Variants in POLD3 observed in about 807,000 individuals in gnomAD.
POLD3 encodes the protein DNA polymerase delta 3, accessory subunit.
A neutral mutation model predicts 58.2 loss-of-function variants in POLD3; 19 were observed. The observed-to-expected ratio is 0.33, with a 90% CI of 0.23 to 0.48. POLD3 has a LOEUF of 0.48. POLD3 is among the 20% of genes least tolerant of loss of function. The pLI is 0.99. For synonymous variants in POLD3, 172 were observed against 193.5 expected, an observed-to-expected ratio of 0.89 and a Z score of 0.92; for missense variants, 504 against 545.5, an observed-to-expected ratio of 0.92 and a Z score of 0.76.
intron 4 of POLD3, among the ~76,000 whole-genome samples, chr11:74,656,598 T>A (rs12271394): frequency 6.6e-6 from 1 of 151,758 alleles, no homozygotes; most frequent in Non-Finnish European, 1.5e-5. Context: ...AAAAAAAAAA[T>A]TCTTCATTTC....
chr11:74,609,732 TG>T (rs1038454296), intron 3 of POLD3, among the ~76,000 whole-genome samples: 3 of 151,054 alleles, frequency 2.0e-5, no homozygotes, highest in Non-Finnish European at 4.4e-5. Flanking sequence ...TGCCTCTCTT[TG>T]TTAGATAAAT....
intron 4 of POLD3, 95 bp from the exon 5 acceptor site, chr11:74,612,783 T>G: frequency 9.2e-7 from 1 of 1,083,696 alleles, no homozygotes; most frequent in South Asian, 1.6e-5. Context: ...CCACCACAGA[T>G]TACAAATGCT....
At chr11:74,628,387 A>G (rs962130498) in intron 8 of POLD3, among the ~76,000 whole-genome samples, 5 of 152,054 alleles carry the variant, frequency 3.3e-5, no homozygotes, top group African/African-American at 1.2e-4. Context: ...TTTGGGTTTA[A>G]TTGTTCTTTT....
At chr11:74,616,179 A>G (rs924396470) in intron 5 of POLD3, among the ~76,000 whole-genome samples, 1 of 152,206 alleles carries the variant, frequency 6.6e-6, no homozygotes, top group East Asian at 1.9e-4. Flanking sequence ...GCCAGGGCCC[A>G]CTAAAATAAA....
chr11:74,611,204 C>A (rs191967576), intron 3 of POLD3, among the ~76,000 whole-genome samples: 1 of 152,226 alleles, frequency 6.6e-6, no homozygotes, highest in East Asian at 1.9e-4. Context: ...CACTAAAAAG[C>A]CTTTGCTCAC....
chr11:74,593,030 C>G (rs2031092643), intron 1 of POLD3: 2 of 1,186,496 alleles, frequency 1.7e-6, no homozygotes, highest in Admixed American at 7.7e-5. Context: ...CTACACCTTT[C>G]TTTTAAGGTG....
intron 3 of POLD3, among the ~76,000 whole-genome samples, chr11:74,609,806 A>G (rs2031846219): frequency 6.6e-6 from 1 of 152,080 alleles, no homozygotes; most frequent in Non-Finnish European, 1.5e-5. Flanking sequence ...TCAGAGCATC[A>G]CTCCACAGCA....
intron 4 of POLD3, among the ~76,000 whole-genome samples, chr11:74,659,185 C>T (rs1157374333): frequency 1.3e-5 from 2 of 152,230 alleles, no homozygotes; most frequent in Admixed American, 6.5e-5. Context: ...AGGCTTGGGG[C>T]GTCCACCCTC....
At position 74,642,275 on chromosome 11, in the gene POLD3, T is replaced by C. The variant is rs1214324190; in HGVS notation, c.*1509T>C. 37 of 985,064 alleles carry C rather than the reference T, an allele frequency of 3.8e-5. No homozygotes were observed. Among genetic ancestry groups the C allele is most frequent in the Non-Finnish European group, 4.3e-5 (36 of 829,724 alleles). 61.0% of individuals were successfully genotyped at this position (985,064 alleles called of 1,614,324 possible). A position where few individuals can be genotyped will look rare whatever the true frequency, so the allele number is the denominator to read the frequency against. On this transcript the variant is annotated 3_prime_UTR_variant, in exon 12 of 12. Coordinates refer to ENST00000263681, the MANE Select transcript of POLD3 (RefSeq NM_006591.3). Reference sequence around the variant, plus strand: ...GTCTAGGACTAAAGCAGTGGCTTTGTATAGCAAGCTGAGTAAAGGTTGACA... The same window carrying C: ...GTCTAGGACTAAAGCAGTGGCTTTGCATAGCAAGCTGAGTAAAGGTTGACA...
chr11:74,595,759 A>G (rs1312831713), intron 2 of POLD3, among the ~76,000 whole-genome samples: 1 of 152,168 alleles, frequency 6.6e-6, no homozygotes, highest in African/African-American at 2.4e-5. Context: ...CCGGGACTAC[A>G]GGTGCGTGCC....
intron 2 of POLD3, among the ~76,000 whole-genome samples, chr11:74,602,755 T>C (rs1311327544): frequency 1.3e-5 from 2 of 152,234 alleles, no homozygotes; most frequent in Non-Finnish European, 2.9e-5. Context: ...CACAAAGCCC[T>C]ATGTGCCTGG....
At chr11:74,666,124 A>C (rs771651572) in intron 4 of POLD3, among the ~76,000 whole-genome samples, 12 of 152,254 alleles carry the variant, frequency 7.9e-5, no homozygotes, top group Non-Finnish European at 1.8e-4. Flanking sequence ...TCTGAAAATG[A>C]AATTAGAAAA....
At chr11:74,627,003 G>A (rs868205176) in intron 8 of POLD3, among the ~76,000 whole-genome samples, 17 of 152,066 alleles carry the variant, frequency 1.1e-4, no homozygotes, top group South Asian at 6.2e-4. Flanking sequence ...AAATGACTAT[G>A]CTACTATAAT....
downstream of POLD3, among the ~76,000 whole-genome samples, chr11:74,645,627 G>T (rs548398215): frequency 6.6e-6 from 1 of 152,154 alleles, no homozygotes; most frequent in Non-Finnish European, 1.5e-5. Flanking sequence ...ACCTTAAAGC[G>T]TTGCTTTAGG....
In POLD3 at chr11:74,604,651, C is replaced by G. The variant is rs201770818; in HGVS notation, c.117-41C>G. On this transcript the variant is annotated intron_variant, in intron 2 of 11. Transcript: ENST00000263681. The stretch of plus-strand genomic sequence containing the variant: ...ATTAAGAGTTGATCATGTAAAAACT[C>G]TTACTGATGTCTTACTTGTGCCTTC... 2.3e-5 allele frequency: 24 copies of G among 1,033,536 alleles called. No homozygotes were observed. In the African/African-American group the frequency reaches 2.5e-4, roughly 11 times the overall value. 64.0% of individuals were successfully genotyped at this position (1,033,536 alleles called of 1,614,324 possible).
chr11:74,637,792 G>A (rs575287291), intron 11 of POLD3, among the ~76,000 whole-genome samples: 1 of 144,436 alleles, frequency 6.9e-6, no homozygotes, highest in Non-Finnish European at 1.5e-5. Context: ...AGTGAAAACT[G>A]TGCTCACATT....
chr11:74,624,945 A>G (rs1285085512), intron 7 of POLD3, among the ~76,000 whole-genome samples: 10 of 152,282 alleles, frequency 6.6e-5, no homozygotes, highest in Non-Finnish European at 1.5e-4. Context: ...TGACTCCAAA[A>G]TAGTCTTTAA....
intron 2 of POLD3, chr11:74,595,530 T>C (rs906625769): frequency 4.6e-5 from 7 of 152,220 alleles, no homozygotes; most frequent in African/African-American, 1.4e-4. Context: ...AAGACCCTGA[T>C]TGAAAAATTA....
chr11:74,614,535 C>T (rs1436696707), intron 5 of POLD3, among the ~76,000 whole-genome samples: 1 of 152,100 alleles, frequency 6.6e-6, no homozygotes, highest in Admixed American at 6.5e-5. Flanking sequence ...ACGGTGAAAC[C>T]CCGTCTCTAC....
Sources: allele counts gnomAD v4.1 joint callset (sites outside exome capture counted in the v4.1 genomes callset), GRCh38; gene constraint gnomAD v4.1.1; transcripts MANE v1.5; gene names NCBI Gene and HGNC (gene_info 2026-07-23, HGNC 2026-07-21).